Variants in CPT1A observed in about 807,000 individuals in gnomAD.
CPT1A encodes the protein carnitine palmitoyltransferase 1A.
In CPT1A, 64 loss-of-function variants were observed where a neutral mutation model predicts 100.8. The ratio of observed to expected loss-of-function variants is 0.63; its 90% CI spans 0.52 to 0.78. The LOEUF is 0.78. CPT1A is among the 30% of genes least tolerant of loss of function. The probability of loss-of-function intolerance (pLI) is 0.00; values close to 1 mark genes in which losing one functional copy is unlikely to be tolerated. For synonymous variants in CPT1A, 363 were observed against 396.0 expected (o/e 0.92, Z 0.99); for missense variants, 802 against 1,034.1 (o/e 0.78, Z 3.08).
chr11:68,776,211 A>G (rs965733822), intron 12 of CPT1A, among the ~76,000 whole-genome samples: 2 of 152,058 alleles, frequency 1.3e-5, no homozygotes, highest in African/African-American at 4.8e-5. Flanking sequence ...CCAGCTGGGC[A>G]ACATAGTGAG....
chr11:68,779,710 G>A (rs1369204416), intron 12 of CPT1A, among the ~76,000 whole-genome samples: 1 of 149,396 alleles, frequency 6.7e-6, no homozygotes, highest in Non-Finnish European at 1.5e-5. Context: ...GTGGGAGAAT[G>A]TCTTGAGCCT....
intron 6 of CPT1A, among the ~76,000 whole-genome samples, 178 bp downstream of exon 6, chr11:68,799,040 G>A (rs965737807): frequency 1.3e-5 from 2 of 152,108 alleles, no homozygotes; most frequent in South Asian, 2.1e-4. Flanking sequence ...GTAACTACAC[G>A]TCAGTCCTAA....
intron 1 of CPT1A, among the ~76,000 whole-genome samples, chr11:68,833,482 C>T (rs986419042): frequency 1.3e-5 from 2 of 152,222 alleles, no homozygotes; most frequent in African/African-American, 4.8e-5. Flanking sequence ...CTTGGCTGGG[C>T]GTGTTGGCTC....
intron 3 of CPT1A, among the ~76,000 whole-genome samples, chr11:68,810,364 A>C (rs1856168101): frequency 6.6e-6 from 1 of 152,120 alleles, no homozygotes; most frequent in African/African-American, 2.4e-5. Context: ...GAGTGACAGC[A>C]ATGACAGCAG....
At position 68,755,704 on chromosome 11, in the gene CPT1A, T is replaced by G. The variant is rs1946679513; in HGVS notation, c.*1940A>C. 8.0e-6 allele frequency: 1 copy of G among 124,248 alleles called. No individual in the cohort carries two copies. The highest frequency in any genetic ancestry group is 8.5e-5 in the Admixed American group (1 of 11,782). 7.7% of individuals were successfully genotyped at this position (124,248 alleles called of 1,614,324 possible). On this transcript the variant is annotated 3_prime_UTR_variant, in exon 19 of 19. Coordinates refer to ENST00000265641, the MANE Select transcript of CPT1A (RefSeq NM_001876.4). ...GATTACACGCATGAGCCACCGCGCC[T>G]GGACGCTTTTTTTTTTTTTTTTGTC...
rs892061450 is a variant in CPT1A, at chr11:68,812,633, A to C, written c.142-57T>G. 3.7e-6 allele frequency: 6 copies of C among 1,607,558 alleles called. No individual in the cohort carries two copies. The African/African-American group carries it at 5.4e-5, about 14-fold the overall frequency. On this transcript the variant is annotated intron_variant, in intron 2 of 18. Transcript: ENST00000265641. Reference sequence around the variant, plus strand: ...TCCTCCCACAACCCACAGGGCAATGACGCTTCATGGCCCCTGGCAGCAGGG... The same window carrying C: ...TCCTCCCACAACCCACAGGGCAATGCCGCTTCATGGCCCCTGGCAGCAGGG...
rs1320606385 is a variant in CPT1A, at chr11:68,812,579, A to G, written c.142-3T>C. ...TACACGCCAGTGATGATGCCGTTCT[A>G]AAGACAGACACCCGGGCCGTGAGCG... On this transcript the variant is annotated splice_region_variant and splice_polypyrimidine_tract_variant and intron_variant, in intron 2 of 18. Coordinates refer to ENST00000265641, the MANE Select transcript of CPT1A (RefSeq NM_001876.4). The G allele has an allele frequency of 6.2e-7, 1 of 1,614,076 alleles. No individual in the cohort carries two copies.
chr11:68,770,723 G>C (rs531312186), intron 14 of CPT1A, among the ~76,000 whole-genome samples: 1 of 152,154 alleles, frequency 6.6e-6, no homozygotes, highest in Admixed American at 6.6e-5. Flanking sequence ...GCTGGTGTAC[G>C]CCACTGTGGG....
intron 13 of CPT1A, among the ~76,000 whole-genome samples, chr11:68,774,308 A>G (rs1481615576): frequency 6.6e-6 from 1 of 152,210 alleles, no homozygotes; most frequent in Non-Finnish European, 1.5e-5. Flanking sequence ...TGACGCTAAC[A>G]GGAACATGGG....
Position 68,763,363 on chromosome 11 carries a change from C to T in CPT1A, c.1741-602G>A, listed in dbSNP as rs148539972. Among the ~76,000 whole-genome samples the T allele has an allele frequency of 4.8e-3, 738 of 152,208 alleles. 9 individuals are homozygous for T. The highest frequency in any genetic ancestry group is 5.6e-3 in the Non-Finnish European group (384 of 68,014). ...GCTGCATTCCCTTCAGGCTAAGGTG[C>T]AGCCTGCAGCAGTGTACAGAAGGAA... On this transcript the variant is annotated intron_variant, in intron 14 of 18. Transcript: ENST00000265641.
At chr11:68,835,282 A>G (rs1856981970) in intron 1 of CPT1A, among the ~76,000 whole-genome samples, 2 of 152,174 alleles carry the variant, frequency 1.3e-5, no homozygotes, top group Non-Finnish European at 1.5e-5. Flanking sequence ...TCAGACTGCA[A>G]GGAGGAGACC....
chr11:68,807,672 C>T (rs146619053), intron 3 of CPT1A, 34 bp from the exon 4 acceptor site: 19 of 1,610,204 alleles, frequency 1.2e-5, no homozygotes, highest in Non-Finnish European at 1.4e-5. Flanking sequence ...GGAGGCTGTG[C>T]GTGAGGCCAC....
intron 1 of CPT1A, among the ~76,000 whole-genome samples, chr11:68,823,897 C>G (rs1240374634): frequency 6.6e-6 from 1 of 152,126 alleles, no homozygotes; most frequent in Non-Finnish European, 1.5e-5. Context: ...AAACCAAATA[C>G]CGCATGTTCT....
At chr11:68,809,488 T>G (rs1212938565) in intron 3 of CPT1A, among the ~76,000 whole-genome samples, 2 of 152,028 alleles carry the variant, frequency 1.3e-5, no homozygotes, top group East Asian at 3.8e-4. Flanking sequence ...CACGGATGAC[T>G]CCACTTTTTT....
At chr11:68,822,326 G>T (rs1856606920) in intron 1 of CPT1A, among the ~76,000 whole-genome samples, 1 of 152,098 alleles carries the variant, frequency 6.6e-6, no homozygotes, top group Non-Finnish European at 1.5e-5. Flanking sequence ...TGGCTCAGGA[G>T]TTCGAGACCA....
chr11:68,833,321 G>A lies in CPT1A; in HGVS notation c.-14+8454C>T, dbSNP rs190544839. On this transcript the variant is annotated intron_variant, in intron 1 of 18. Coordinates refer to ENST00000265641, the MANE Select transcript of CPT1A (RefSeq NM_001876.4). ...GCAATAATGGGAAGGAAGAAAAGCA[G>A]CAGCTCCTCTTCTCCAGGCAAGTGT... Among the ~76,000 whole-genome samples, 66 of 152,386 alleles carry A rather than the reference G, an allele frequency of 4.3e-4. 1 individual carries two copies. Among genetic ancestry groups the A allele is most frequent in the African/African-American group, 1.6e-3 (65 of 41,596 alleles).
At chr11:68,780,553 G>A in intron 12 of CPT1A, 87 bp downstream of exon 12, 16 of 1,171,880 alleles carry the variant, frequency 1.4e-5, no homozygotes, top group Non-Finnish European at 2.0e-5. Flanking sequence ...CAAAGTGCTG[G>A]GATTACAGGT....
Position 68,759,576 on chromosome 11 carries a change from G to A in CPT1A, c.2228C>T (p.Pro743Leu). The change falls in exon 18 of 19, where the codon CCT becomes CTT. Residue 743 changes from proline (P) to leucine (L), a missense_variant. Physicochemically the swap from Pro to Leu is moderately conservative, Grantham distance 98. Transcript: ENST00000265641. ...NFHISSKFSC[P>L]ETDSHRFGRH... The stretch of plus-strand genomic sequence containing the variant: ...ACTTCTTTTCATACATACCGTCTCA[G>A]GGCAAGAGAACTTGGAAGAAATGTG... 6.2e-7 allele frequency: 1 copy of A among 1,607,938 alleles called. No individual in the cohort carries two copies. Among genetic ancestry groups the A allele is most frequent in the Non-Finnish European group, 8.5e-7 (1 of 1,174,482 alleles).
At chr11:68,770,330 T>G (rs1466877918) in intron 14 of CPT1A, among the ~76,000 whole-genome samples, 1 of 152,222 alleles carries the variant, frequency 6.6e-6, no homozygotes, top group Non-Finnish European at 1.5e-5. Context: ...TGTGCAACTC[T>G]GCGCTGGGCC....
Sources: gnomAD v4.1 joint callset for allele counts (sites outside exome capture counted in the v4.1 genomes callset) on GRCh38, gnomAD v4.1.1 for gene constraint, MANE v1.5 for transcripts, NCBI Gene and HGNC (gene_info 2026-07-23, HGNC 2026-07-21) for gene names.